STS: variants seen among roughly 807,000 people sequenced by gnomAD.
STS encodes steroid sulfatase.
Under a neutral mutation model 26.8 loss-of-function variants are expected in STS, and 7 were observed. The observed-to-expected ratio is 0.26, with a 90% CI of 0.15 to 0.49. The LOEUF (loss-of-function observed/expected upper bound fraction) is 0.49, where lower values mean the gene tolerates loss of function less well. Ranked by LOEUF, STS falls within the 20% of genes least tolerant of loss-of-function variation. The pLI, the probability that STS is intolerant of heterozygous loss-of-function variation, is 0.98. For missense variants in STS, 434 were observed against 465.6 expected (o/e 0.93, Z 0.63); for synonymous variants, 199 against 189.4 (o/e 1.05, Z -0.42).
chrX:7,341,733 A>G (rs1391686590), intron 10 of STS, among the ~76,000 whole-genome samples: 1 of 110,788 alleles, frequency 9.0e-6, no homozygotes, highest in Non-Finnish European at 1.9e-5. Context: ...CCTGGATTTC[A>G]TAATGACAGC....
chrX:7,162,181 G>C (rs894478295), intron 1 of STS, among the ~76,000 whole-genome samples: 2 of 111,222 alleles, frequency 1.8e-5, no homozygotes, highest in Non-Finnish European at 3.8e-5. Flanking sequence ...GCCTTGGTTG[G>C]AAATTAACCC....
intron 7 of STS, among the ~76,000 whole-genome samples, chrX:7,303,316 C>T (rs963300514): frequency 3.6e-5 from 4 of 111,321 alleles, no homozygotes; most frequent in Admixed American, 9.6e-5. Context: ...TACCCAGTCT[C>T]GGGTGTGTCT....
chrX:7,331,135 T>A (rs1443325697), intron 9 of STS, among the ~76,000 whole-genome samples: 1 of 111,077 alleles, frequency 9.0e-6, no homozygotes, highest in Non-Finnish European at 1.9e-5. Flanking sequence ...ACATCCCACG[T>A]GGAGGGACGA....
chrX:7,201,992 T>A (rs553237828), intron 2 of STS, among the ~76,000 whole-genome samples: 1 of 111,567 alleles, frequency 9.0e-6, no homozygotes, highest in South Asian at 3.8e-4. Flanking sequence ...GAAGCATTAC[T>A]TTTGGATGTG....
In STS at chrX:7,290,846, C is replaced by T. The variant is rs188281612; in HGVS notation, c.944-14200C>T. Among the ~76,000 whole-genome samples, 3 of 111,828 alleles carry T rather than the reference C, an allele frequency of 2.7e-5. No homozygotes were observed. The East Asian group carries it at 8.5e-4, about 32-fold the overall frequency. On this transcript the variant is annotated intron_variant, in intron 7 of 10. Coordinates refer to ENST00000674429, the MANE Select transcript of STS (RefSeq NM_001320752.2). The stretch of plus-strand genomic sequence containing the variant: ...CTGGGGATGTTTTGAAGAGTGCCTT[C>T]GGTGTATTAAGCACTGGGCAAACAT...
At position 7,165,870 on chromosome X, in the gene STS, G is replaced by A. The variant is rs188374755; in HGVS notation, c.-134+17787G>A. Among the ~76,000 whole-genome samples the A allele has an allele frequency of 2.8e-3, 306 of 111,242 alleles. 1 individual carries two copies. Among genetic ancestry groups the A allele is most frequent in the Admixed American group, 0.022 (228 of 10,504 alleles). On this transcript the variant is annotated intron_variant, in intron 1 of 10. Coordinates refer to ENST00000674429, the MANE Select transcript of STS (RefSeq NM_001320752.2). ...TCTTCAGACATTGCCAATGTCCCCC[G>A]GGGGTCAAATTGGGCCCTGGCAAGA...
chrX:7,175,179 T>TAAAAAAAAAAAAA (rs143220502), intron 1 of STS, among the ~76,000 whole-genome samples: 1 of 42,087 alleles, frequency 2.4e-5, no homozygotes, highest in Non-Finnish European at 4.1e-5. Context: ...TCTGAGCTGG[T>TAAAAAAAAAAAAA]AAAAAAAAAA....
At chrX:7,247,698 G>A (rs766309386) in intron 2 of STS, among the ~76,000 whole-genome samples, 1 of 111,814 alleles carries the variant, frequency 8.9e-6, no homozygotes, top group Non-Finnish European at 1.9e-5. Context: ...GCAATGGCTG[G>A]TAGAGTCTGG....
At chrX:7,298,658 T>C (rs1168808540) in intron 7 of STS, among the ~76,000 whole-genome samples, 2 of 110,875 alleles carry the variant, frequency 1.8e-5, no homozygotes, top group Non-Finnish European at 3.8e-5. Flanking sequence ...ATCCCTGAAG[T>C]AACACCTAGC....
chrX:7,275,676 C>T (rs1418019172), intron 6 of STS, among the ~76,000 whole-genome samples: 1 of 111,122 alleles, frequency 9.0e-6, no homozygotes, highest in Non-Finnish European at 1.9e-5. Context: ...TCTATTAAAT[C>T]TCTTCCTGAG....
intron 1 of STS, among the ~76,000 whole-genome samples, chrX:7,162,780 C>T (rs2146990483): frequency 9.4e-6 from 1 of 106,346 alleles, no homozygotes; most frequent in East Asian, 3.0e-4. Context: ...GGCGCAGTGG[C>T]TCACGCCTGT....
intron 2 of STS, among the ~76,000 whole-genome samples, chrX:7,205,505 T>C (rs1262867088): frequency 1.8e-5 from 2 of 112,108 alleles, no homozygotes; most frequent in Admixed American, 1.9e-4. Context: ...GTGTATTCAC[T>C]GACTTTATTC....
Position 7,259,625 on chromosome X carries a change from T to C in STS, c.659T>C (p.Leu220Pro). 8.3e-7 allele frequency: 1 copy of C among 1,211,417 alleles called. No individual in the cohort carries two copies. Among genetic ancestry groups the C allele is most frequent in the Non-Finnish European group, 1.1e-6 (1 of 895,400 alleles). ...TTCAGCCTTCTCTTCCTAGCAGCCC[T>C]AATCCTGACCCTTTTCTTGGGCTTC... is the stretch of plus-strand genomic sequence containing the variant. ...VFFSLLFLAA[L>P]ILTLFLGFLH... is the part of the protein sequence containing the mutation. The change falls in exon 6 of 11, where the codon CTA (leucine) becomes CCA (proline). Residue 220 changes from leucine to proline, a missense_variant. Physicochemically the swap from Leu to Pro is moderately conservative, Grantham distance 98. This residue lies in a region of STS where 229 missense variants were observed against 288.3 expected (regional missense o/e 0.79). Coordinates refer to ENST00000674429, the MANE Select transcript of STS (RefSeq NM_001320752.2).
chrX:7,226,890 G>A (rs1921831648), intron 2 of STS, among the ~76,000 whole-genome samples: 1 of 111,800 alleles, frequency 8.9e-6, no homozygotes, highest in Admixed American at 9.5e-5. Flanking sequence ...GCATGACCCT[G>A]TCTCAAGAAA....
At chrX:7,203,062 C>G (rs1295653326) in intron 2 of STS, among the ~76,000 whole-genome samples, 2 of 110,828 alleles carry the variant, frequency 1.8e-5, no homozygotes, top group African/African-American at 6.6e-5. Context: ...CTCTGTTTCT[C>G]CCTGTCCCTC....
rs1182726928 is a variant in STS at position 7,350,454 on chromosome X, G to T, written c.*193G>T. Reference sequence around the variant, plus strand: ...TGGAGGGGTGAGGGGGATAAGGTCTGTAGTATACAGACAGGAAGATGGTAG... The same window carrying T: ...TGGAGGGGTGAGGGGGATAAGGTCTTTAGTATACAGACAGGAAGATGGTAG... On this transcript the variant is annotated 3_prime_UTR_variant, in exon 11 of 11. Transcript: ENST00000674429. The T allele has an allele frequency of 1.7e-5, 9 of 516,703 alleles. No individual in the cohort carries two copies. Among genetic ancestry groups the T allele is most frequent in the Non-Finnish European group, 2.5e-5 (8 of 321,662 alleles). 42.6% of individuals were successfully genotyped at this position (516,703 alleles called of 1,213,427 possible).
intron 7 of STS, among the ~76,000 whole-genome samples, chrX:7,303,222 G>C: frequency 9.0e-6 from 1 of 110,949 alleles, no homozygotes; most frequent in South Asian, 3.9e-4. Flanking sequence ...CGCTTGGCTG[G>C]CTCTCTCTCC....
At chrX:7,187,904 A>G (rs1933802899) in intron 1 of STS, among the ~76,000 whole-genome samples, 1 of 111,689 alleles carries the variant, frequency 9.0e-6, no homozygotes, top group Admixed American at 9.5e-5. Flanking sequence ...TGGAGGGGGC[A>G]TGCAAATGAG....
intron 10 of STS, among the ~76,000 whole-genome samples, chrX:7,344,575 CAT>C (rs1174336445): frequency 9.0e-6 from 1 of 111,578 alleles, no homozygotes; most frequent in African/African-American, 3.3e-5. Flanking sequence ...TGGGAAAAGA[CAT>C]ACCACATACT....
Sources: gnomAD v4.1 joint callset for allele counts (sites outside exome capture counted in the v4.1 genomes callset) on GRCh38, gnomAD v4.1.1 for gene constraint, gnomAD v4.1.1 regional missense constraint, MANE v1.5 for transcripts, NCBI Gene and HGNC (gene_info 2026-07-23, HGNC 2026-07-21) for gene names.